The following KANSL2 variants were observed in gnomAD, a reference collection of about 807,000 sequenced individuals.
KANSL2 encodes the protein KAT8 regulatory NSL complex subunit 2, also known as NSL complex protein NSL2.
A neutral mutation model predicts 55.6 loss-of-function variants in KANSL2; 34 were observed. That is an observed-to-expected ratio of 0.61 (90% CI 0.46 to 0.81). The LOEUF (loss-of-function observed/expected upper bound fraction) is 0.81, where lower values mean the gene tolerates loss of function less well. Ranked by LOEUF, KANSL2 falls within the 40% of genes least tolerant of loss-of-function variation. The pLI, the probability that KANSL2 is intolerant of heterozygous loss-of-function variation, is 0.00. For missense variants in KANSL2, 502 were observed against 609.9 expected (o/e 0.82, Z 1.86); for synonymous variants, 209 against 214.3 (o/e 0.98, Z 0.22).
chr12:48,679,791 T>C lies in KANSL2; in HGVS notation c.294A>G (p.Ala98=), dbSNP rs1479845099. 1.9e-6 allele frequency: 3 copies of C among 1,607,946 alleles called. No individual in the cohort carries two copies. Among genetic ancestry groups the C allele is most frequent in the African/African-American group, 2.7e-5 (2 of 74,820 alleles). ...CAEHVRRNAL[A]LHAQMKKTNP... ...TGGTCTTCTTCATTTGAGCATGAAG[T>C]GCCAGGGCATTCCTACGGACATGTT... The change falls in exon 3 of 10, where the codon GCA becomes GCG. Residue 98 remains alanine, a synonymous_variant. Coordinates refer to ENST00000420613, the MANE Select transcript of KANSL2 (RefSeq NM_017822.4).
intron 6 of KANSL2, among the ~76,000 whole-genome samples, chr12:48,668,759 T>C (rs905742452): frequency 2.6e-5 from 4 of 152,102 alleles, no homozygotes; most frequent in Non-Finnish European, 4.4e-5. Flanking sequence ...AAAGTGAACA[T>C]GAACAGGCAC....
intron 8 of KANSL2, among the ~76,000 whole-genome samples, chr12:48,659,601 C>G (rs1939451644): frequency 6.6e-6 from 1 of 151,742 alleles, no homozygotes; most frequent in Admixed American, 6.6e-5. Flanking sequence ...CCAGCCTGAG[C>G]AACAGAGCAA....
intron 7 of KANSL2, chr12:48,662,770 GCTTTAT>G: frequency 1.8e-6 from 1 of 569,874 alleles, no homozygotes; most frequent in Non-Finnish European, 2.5e-6. Context: ...TTTCAATTTT[GCTTTAT>G]ATTTATATTT....
chr12:48,681,252 C>T, intron 2 of KANSL2, 130 bp downstream of exon 2: 1 of 1,050,808 alleles, frequency 9.5e-7, no homozygotes, highest in East Asian at 2.6e-5. Context: ...TTTCAGTTTT[C>T]CAAGGATACA....
At chr12:48,681,852 C>A in intron 1 of KANSL2, 1 of 706,910 alleles carries the variant, frequency 1.4e-6, no homozygotes, top group Non-Finnish European at 2.6e-6. Flanking sequence ...CCACCCCGAA[C>A]CACACCACGC....
Position 48,667,673 on chromosome 12 carries a change from C to T in KANSL2, c.973+20G>A, listed in dbSNP as rs763004884. The T allele has an allele frequency of 6.4e-7, 1 of 1,551,032 alleles. No homozygotes were observed. The highest frequency in any genetic ancestry group is 8.9e-7 in the Non-Finnish European group (1 of 1,122,572). The stretch of plus-strand genomic sequence containing the variant: ...TCAAACTAGCAAACCACAGCCTTAA[C>T]AGGCAGAGTAAAAAGATACGGGTAA... On this transcript the variant is annotated intron_variant, in intron 7 of 9. Coordinates refer to ENST00000420613, the MANE Select transcript of KANSL2 (RefSeq NM_017822.4).
chr12:48,657,763 C>T (rs953439556), intron 8 of KANSL2, among the ~76,000 whole-genome samples: 2 of 152,108 alleles, frequency 1.3e-5, no homozygotes, highest in Non-Finnish European at 2.9e-5. Flanking sequence ...ATTACAGGCG[C>T]GTGCCACCAC....
chr12:48,673,507 C>T (rs1939765740), intron 4 of KANSL2, among the ~76,000 whole-genome samples: 2 of 151,070 alleles, frequency 1.3e-5, no homozygotes, highest in Admixed American at 1.3e-4. Flanking sequence ...TTGCAGTGAG[C>T]TGAGATCGTG....
At chr12:48,667,849 G>GA in intron 6 of KANSL2, 60 bp from the exon 7 acceptor site, 5 of 1,216,160 alleles carry the variant, frequency 4.1e-6, no homozygotes, top group Non-Finnish European at 6.1e-6. Flanking sequence ...CAATTACGAT[G>GA]AAAATAGTTA....
At position 48,679,606 on chromosome 12, in the gene KANSL2, C is replaced by T. The variant is rs762628053; in HGVS notation, c.430+49G>A. 6 of 1,514,628 alleles carry T rather than the reference C, an allele frequency of 4.0e-6. No individual in the cohort carries two copies. In the African/African-American group the frequency reaches 8.3e-5, roughly 21 times the overall value. 93.8% of individuals were successfully genotyped at this position (1,514,628 alleles called of 1,614,324 possible). Reference sequence around the variant, plus strand: ...GCATTGTGCTAACCCAAAATAGTTCCCCCTTAACTTTCTTCCTCCTTTTTC... The same window carrying T: ...GCATTGTGCTAACCCAAAATAGTTCTCCCTTAACTTTCTTCCTCCTTTTTC... On this transcript the variant is annotated intron_variant, in intron 3 of 9. Coordinates refer to ENST00000420613, the MANE Select transcript of KANSL2 (RefSeq NM_017822.4).
intron 6 of KANSL2, 77 bp downstream of exon 6, chr12:48,669,029 G>A (rs1939655930): frequency 2.5e-6 from 3 of 1,178,676 alleles, no homozygotes; most frequent in Non-Finnish European, 3.4e-6. Flanking sequence ...GAGTGACAGT[G>A]CGAGACTCCG....
At chr12:48,657,638 CAG>C (rs1939411371) in intron 8 of KANSL2, among the ~76,000 whole-genome samples, 1 of 151,932 alleles carries the variant, frequency 6.6e-6, no homozygotes, top group African/African-American at 2.4e-5. Context: ...GTGTGTGAGA[CAG>C]AGTTTCACTC....
At chr12:48,654,595 CA>C in intron 9 of KANSL2, 1 of 563,470 alleles carries the variant, frequency 1.8e-6, no homozygotes, top group Admixed American at 2.1e-5. Flanking sequence ...AGAACAATTT[CA>C]GTGATGAACT....
At chr12:48,677,440 A>G (rs1939842335) in intron 4 of KANSL2, among the ~76,000 whole-genome samples, 1 of 152,146 alleles carries the variant, frequency 6.6e-6, no homozygotes, top group Non-Finnish European at 1.5e-5. Flanking sequence ...TAGAGAGCAT[A>G]CATCTCTTCA....
In KANSL2 at chr12:48,669,805, G is replaced by A. The variant is rs563855294; in HGVS notation, c.710-533C>T. On this transcript the variant is annotated intron_variant, in intron 5 of 9. Coordinates refer to ENST00000420613, the MANE Select transcript of KANSL2 (RefSeq NM_017822.4). ...ATTACAGGCATGAGCCACCGCACCC[G>A]GCCAAAGCTGAAAAATTCTTATTGC... Among the ~76,000 whole-genome samples, 19 of 149,668 alleles carry A rather than the reference G, an allele frequency of 1.3e-4. 1 individual carries two copies. In the South Asian group the frequency reaches 3.2e-3, roughly 25 times the overall value.
At chr12:48,671,108 T>TA in intron 5 of KANSL2, among the ~76,000 whole-genome samples, 1 of 151,336 alleles carries the variant, frequency 6.6e-6, no homozygotes, top group East Asian at 1.9e-4. Context: ...CTACTAAAAA[T>TA]AAAAAAATTA....
intron 6 of KANSL2, among the ~76,000 whole-genome samples, 178 bp downstream of exon 6, chr12:48,668,928 C>T (rs1592103910): frequency 6.6e-6 from 1 of 152,102 alleles, no homozygotes; most frequent in East Asian, 1.9e-4. Flanking sequence ...CCCAGCTACT[C>T]GGGAGGCTGA....
intron 4 of KANSL2, among the ~76,000 whole-genome samples, chr12:48,672,356 CATATATACATGT>C (rs1939729222): frequency 7.1e-6 from 1 of 141,490 alleles, no homozygotes. Flanking sequence ...TTCACATATA[CATATATACATGT>C]ATATATACGT....
intron 7 of KANSL2, chr12:48,662,559 C>T (rs1939508015): frequency 1.6e-6 from 2 of 1,277,916 alleles, no homozygotes; most frequent in Non-Finnish European, 2.0e-6. Context: ...GGTTAACCTA[C>T]AACTAGAGTC....
Sources: allele counts gnomAD v4.1 joint callset (sites outside exome capture counted in the v4.1 genomes callset), GRCh38; gene constraint gnomAD v4.1.1; transcripts MANE v1.5; gene names NCBI Gene and HGNC (gene_info 2026-07-23, HGNC 2026-07-21).